Variants in LMF1 observed in about 807,000 individuals in gnomAD.
LMF1 encodes lipase maturation factor 1.
In LMF1, 68 loss-of-function variants were observed where a neutral mutation model predicts 60.6. That is an observed-to-expected ratio of 1.12 (90% confidence interval 0.92 to 1.37). The LOEUF is 1.37. Ranked by LOEUF, LMF1 falls within the 40% of genes most tolerant of loss-of-function variation. LMF1 has a pLI of 0.00. For synonymous variants in LMF1, 418 were observed against 324.7 expected (o/e 1.29, Z -3.09); for missense variants, 948 against 767.2 (o/e 1.24, Z -2.78).
intron 6 of LMF1, 52 bp from the exon 7 acceptor site, chr16:871,393 G>T: frequency 6.3e-7 from 1 of 1,583,528 alleles, no homozygotes; most frequent in African/African-American, 1.3e-5. Context: ...TGGGGCCCCT[G>T]GGCAGCTGGC....
rs747287736 is a variant in LMF1 at position 854,557 on chromosome 16, C to T, written c.1679G>A (p.Gly560Glu). 1.4e-5 allele frequency: 22 copies of T among 1,608,462 alleles called. No individual in the cohort carries two copies. The highest frequency in any genetic ancestry group is 1.7e-5 in the Non-Finnish European group (20 of 1,179,140). Residue 560 changes from glycine to glutamate, a missense_variant, in exon 11 of 11, where the codon GGG (glycine) becomes GAG (glutamate). Physicochemically the swap from Gly to Glu is moderately conservative, Grantham distance 98 (BLOSUM62 -2). Coordinates refer to ENST00000262301, the MANE Select transcript of LMF1 (RefSeq NM_022773.4). ...EELRPYFRDR[G>E]WPLPGPL ...CTAGAGGGGCCCGGGCAGAGGCCAC[C>T]CACGGTCCCTGAAGTAGGGCCTCAG...
At position 953,954 on chromosome 16, in the gene LMF1, CCCCAAACCAGCCTCCTACATG is replaced by C. The variant is rs2072581328; in HGVS notation, c.503+382_503+402del. Among the ~76,000 whole-genome samples, 6 of 81,364 alleles carry C rather than the reference CCCCAAACCAGCCTCCTACATG, an allele frequency of 7.4e-5. 2 individuals carry two copies. The South Asian group carries it at 2.5e-3, about 33-fold the overall frequency. The allele number at this position is 81,364 out of a possible 152,430, so 53.4% of individuals were successfully genotyped here. ...TCCTACACGTCCACACAGACACCCA[CCCCAAACCAGCCTCCTACATG>C]TCCACACAGACACCCCAAACCAGCC... On this transcript the variant is annotated intron_variant, in intron 2 of 10. Coordinates refer to ENST00000262301, the MANE Select transcript of LMF1 (RefSeq NM_022773.4).
At chr16:921,776 G>A (rs1046001557) in intron 3 of LMF1, among the ~76,000 whole-genome samples, 4 of 152,188 alleles carry the variant, frequency 2.6e-5, no homozygotes, top group Admixed American at 1.3e-4. Context: ...ACGTAACAAC[G>A]CAGCAAACCC....
rs571955591 is a variant in LMF1 at position 871,402 on chromosome 16, G to A, written c.898-61C>T. ...CTCGTGTGGGGCCCCTGGGCAGCTG[G>A]CGCCTCTCTTCCTGGAGCAGGGAGG... On this transcript the variant is annotated intron_variant, in intron 6 of 10. Transcript: ENST00000262301. The A allele has an allele frequency of 3.2e-6, 5 of 1,553,086 alleles. No homozygotes were observed. The African/African-American group carries it at 5.5e-5, about 17-fold the overall frequency.
intron 1 of LMF1, among the ~76,000 whole-genome samples, chr16:959,325 T>C (rs1355651189): frequency 2.0e-5 from 3 of 152,196 alleles, no homozygotes; most frequent in African/African-American, 7.2e-5. Flanking sequence ...CAACAGGCTA[T>C]ATACTGCGTG....
chr16:921,020 T>A (rs1288037713), intron 3 of LMF1: 2 of 152,316 alleles, frequency 1.3e-5, no homozygotes, highest in African/African-American at 4.8e-5. Flanking sequence ...AGCAGGCTCG[T>A]GAGCTGGCCT....
chr16:929,773 T>C (rs900236137), intron 3 of LMF1, among the ~76,000 whole-genome samples: 1 of 152,212 alleles, frequency 6.6e-6, no homozygotes, highest in Non-Finnish European at 1.5e-5. Flanking sequence ...TAACAAATAT[T>C]GTGGTTTTCC....
rs138402045 is a variant in LMF1 at position 895,474 on chromosome 16, G to A, written c.664-2402C>T. 4.0e-3 allele frequency among the ~76,000 whole-genome samples: 612 copies of A among 152,324 alleles called. 5 individuals are homozygous for A. Among genetic ancestry groups the A allele is most frequent in the African/African-American group, 0.014 (568 of 41,576 alleles). ...TCGGGGCGGCCGTGGGCCCCTAGCC[G>A]GGGCCAGGCAGGACGGGAGCCGCCG... On this transcript the variant is annotated intron_variant, in intron 4 of 10. Coordinates refer to ENST00000262301, the MANE Select transcript of LMF1 (RefSeq NM_022773.4).
chr16:923,748 A>C (rs1477286682), intron 3 of LMF1, among the ~76,000 whole-genome samples: 1 of 152,210 alleles, frequency 6.6e-6, no homozygotes, highest in East Asian at 1.9e-4. Flanking sequence ...CCAATCTGGC[A>C]GAGTTAACCT....
chr16:867,897 C>A (rs1040523495), intron 10 of LMF1, among the ~76,000 whole-genome samples: 13 of 152,284 alleles, frequency 8.5e-5, no homozygotes, highest in African/African-American at 2.9e-4. Context: ...ACCTCGGCGC[C>A]CCTCCCATCC....
At chr16:869,106 C>T (rs2069699468) in intron 9 of LMF1, 50 bp from the exon 10 acceptor site, 2 of 1,235,200 alleles carry the variant, frequency 1.6e-6, no homozygotes, top group South Asian at 1.2e-5. Context: ...GCTGTCCAGG[C>T]ACAGCCCCTC....
chr16:934,456 G>A, intron 2 of LMF1: 1 of 608,652 alleles, frequency 1.6e-6, no homozygotes, highest in African/African-American at 1.8e-5. Context: ...CCCAGAACAG[G>A]CAACCAAAAC....
intron 3 of LMF1, among the ~76,000 whole-genome samples, chr16:932,174 C>T (rs985342830): frequency 6.6e-6 from 1 of 152,184 alleles, no homozygotes; most frequent in East Asian, 1.9e-4. Flanking sequence ...CCAGGCACTT[C>T]CCCCCCACCC....
intron 5 of LMF1, among the ~76,000 whole-genome samples, chr16:885,942 T>C (rs1373055435): frequency 6.6e-6 from 1 of 152,198 alleles, no homozygotes; most frequent in Non-Finnish European, 1.5e-5. Context: ...AGACAAACCA[T>C]ATTCTGGGCT....
At chr16:873,189 C>T (rs1014256414) in intron 6 of LMF1, 3 of 152,304 alleles carry the variant, frequency 2.0e-5, no homozygotes, top group South Asian at 2.1e-4. Flanking sequence ...CGCAGTTCCG[C>T]GTAGAGTGCA....
At chr16:913,082 T>A (rs1259326989) in intron 3 of LMF1, among the ~76,000 whole-genome samples, 1 of 152,190 alleles carries the variant, frequency 6.6e-6, no homozygotes, top group Non-Finnish European at 1.5e-5. Flanking sequence ...CTCAGTGCCT[T>A]TCCCGTTGCG....
intron 4 of LMF1, among the ~76,000 whole-genome samples, chr16:898,665 G>A (rs1318156555): frequency 6.6e-6 from 1 of 152,196 alleles, no homozygotes; most frequent in Non-Finnish European, 1.5e-5. Flanking sequence ...CGGGCGAGGG[G>A]AATTAAGAGG....
chr16:947,846 C>A (rs573546313), intron 2 of LMF1, among the ~76,000 whole-genome samples: 1 of 145,040 alleles, frequency 6.9e-6, no homozygotes, highest in African/African-American at 2.7e-5. Context: ...AGTCAGCCAA[C>A]GACAGAGTTA....
At position 869,023 on chromosome 16, in the gene LMF1, C is replaced by G. The variant is rs1409326742; in HGVS notation, c.1450G>C (p.Ala484Pro). ...YEHNDWIIHL[A>P]GKLLASDAEA... ...GCGTCGCTGGCCAGGAGCTTGCCAG[C>G]CAGGTGGATGATCCAGTCGTTGTGC... Residue 484 changes from alanine (A) to proline (P), a missense_variant, in exon 10 of 11, where the codon GCT (alanine) becomes CCT (proline). Physicochemically the swap from Ala to Pro is conservative, Grantham distance 27. Coordinates refer to ENST00000262301, the MANE Select transcript of LMF1 (RefSeq NM_022773.4). 1 of 1,612,532 alleles carries G rather than the reference C, an allele frequency of 6.2e-7. No homozygotes were observed. Among genetic ancestry groups the G allele is most frequent in the Non-Finnish European group, 8.5e-7 (1 of 1,179,704 alleles).
Sources: allele counts gnomAD v4.1 joint callset (sites outside exome capture counted in the v4.1 genomes callset), GRCh38; gene constraint gnomAD v4.1.1; transcripts MANE v1.5; gene names NCBI Gene and HGNC (gene_info 2026-07-23, HGNC 2026-07-21).